CACNA1C: variants seen among roughly 807,000 people sequenced by gnomAD.
CACNA1C encodes the protein voltage-dependent L-type calcium channel subunit alpha-1C.
In CACNA1C, 30 loss-of-function variants were observed where a neutral mutation model predicts 229.0. That is an observed-to-expected ratio of 0.13 (90% confidence interval 0.10 to 0.18). CACNA1C has a LOEUF of 0.18. CACNA1C is among the 10% of genes least tolerant of loss of function. The pLI is 1.00. For missense variants in CACNA1C, 1,658 were observed against 2,845.0 expected, an observed-to-expected ratio of 0.58 and a Z score of 9.49; for synonymous variants, 1,114 against 1,132.5, an observed-to-expected ratio of 0.98 and a Z score of 0.33.
At chr12:2,551,500 G>A (rs1422744824) in intron 10 of CACNA1C, among the ~76,000 whole-genome samples, 2 of 152,144 alleles carry the variant, frequency 1.3e-5, no homozygotes, top group Non-Finnish European at 2.9e-5. Context: ...ATTATAATAT[G>A]CCCCGAATAA....
At chr12:2,162,984 C>T (rs1277975459) in intron 3 of CACNA1C, among the ~76,000 whole-genome samples, 3 of 152,022 alleles carry the variant, frequency 2.0e-5, no homozygotes, top group African/African-American at 7.2e-5. Flanking sequence ...AATATGACCA[C>T]TGACTGGAGT....
rs1212339869 is a variant in CACNA1C at position 2,067,136 on chromosome 12, C to A, written c.49+13525C>A. Among the ~76,000 whole-genome samples the A allele has an allele frequency of 6.6e-6, 1 of 152,086 alleles. No individual in the cohort carries two copies. The highest frequency in any genetic ancestry group is 1.5e-5 in the Non-Finnish European group (1 of 68,008). On this transcript the variant is annotated intron_variant, in intron 1 of 46. Transcript: ENST00000399655. This position sits in a 1 kb window ranked among gnomAD's most constrained non-coding sequence, Gnocchi z 5.3. Reference sequence around the variant, plus strand: ...GACAGCTGCTGACTAGGTCTGGGGGCAAAGGGTTCTAGCTCTGTAGGAGGC... The same window carrying A: ...GACAGCTGCTGACTAGGTCTGGGGGAAAAGGGTTCTAGCTCTGTAGGAGGC...
chr12:2,669,732 C>T (rs1402896276), intron 38 of CACNA1C, among the ~76,000 whole-genome samples: 1 of 152,196 alleles, frequency 6.6e-6, no homozygotes, highest in Non-Finnish European at 1.5e-5. Context: ...ACACATTGTG[C>T]GGGCTGAGCC....
chr12:2,561,365 A>C (rs1354995406), intron 11 of CACNA1C, among the ~76,000 whole-genome samples: 1 of 152,150 alleles, frequency 6.6e-6, no homozygotes, highest in Non-Finnish European at 1.5e-5. Flanking sequence ...CTGCTCACTT[A>C]GTGGTCTGTG....
chr12:2,042,103 G>T (rs534487759), intron 1 of CACNA1C, among the ~76,000 whole-genome samples: 1 of 152,212 alleles, frequency 6.6e-6, no homozygotes, highest in African/African-American at 2.4e-5. Context: ...GCAGCTATTT[G>T]ATACCTTCTA....
intron 3 of CACNA1C, among the ~76,000 whole-genome samples, chr12:2,168,832 T>A (rs531501466): frequency 6.6e-6 from 1 of 152,286 alleles, no homozygotes; most frequent in East Asian, 1.9e-4. Flanking sequence ...CCTCAGGAGA[T>A]GCTGGTGGTG....
chr12:2,308,162 T>C (rs1380366394), intron 3 of CACNA1C, among the ~76,000 whole-genome samples: 2 of 152,204 alleles, frequency 1.3e-5, no homozygotes, highest in East Asian at 3.8e-4. Flanking sequence ...AGGTTTATGA[T>C]TGTCCAAGTG....
intron 29 of CACNA1C, among the ~76,000 whole-genome samples, chr12:2,618,251 C>T (rs975574896): frequency 3.3e-5 from 5 of 152,214 alleles, no homozygotes; most frequent in African/African-American, 1.2e-4. Context: ...ATCTGCTTGT[C>T]TGAGCAAGGG....
chr12:2,615,317 A>G (rs182919756), intron 29 of CACNA1C, among the ~76,000 whole-genome samples: 1 of 152,366 alleles, frequency 6.6e-6, no homozygotes, highest in Admixed American at 6.5e-5. Context: ...CAGGAAAATA[A>G]ATTTTGAAGA....
intron 9 of CACNA1C, among the ~76,000 whole-genome samples, chr12:2,533,576 C>T (rs1363192706): frequency 1.3e-5 from 2 of 152,332 alleles, no homozygotes; most frequent in Middle Eastern, 3.4e-3. Flanking sequence ...CCCATCTGCC[C>T]TCCCAGGGAA....
At chr12:2,313,219 A>G (rs1275910234) in intron 3 of CACNA1C, among the ~76,000 whole-genome samples, 1 of 152,160 alleles carries the variant, frequency 6.6e-6, no homozygotes, top group Non-Finnish European at 1.5e-5. Flanking sequence ...GACTGGTTAA[A>G]GAGATGTATG....
intron 3 of CACNA1C, among the ~76,000 whole-genome samples, chr12:2,308,273 G>A (rs974471334): frequency 1.3e-5 from 2 of 152,114 alleles, no homozygotes; most frequent in Non-Finnish European, 2.9e-5. Context: ...TTGTTATTGA[G>A]ATGTATGAAT....
At chr12:2,366,492 AT>A (rs1253500109) in intron 3 of CACNA1C, among the ~76,000 whole-genome samples, 74 of 152,302 alleles carry the variant, frequency 4.9e-4, no homozygotes, top group African/African-American at 1.6e-3. Context: ...TGTTACATGT[AT>A]TTTAAAACTT....
intron 29 of CACNA1C, chr12:2,613,984 A>G (rs762734535): frequency 6.6e-6 from 1 of 152,262 alleles, no homozygotes; most frequent in Admixed American, 6.5e-5. Context: ...TGTCTGAGGC[A>G]GTCTGGAGAG....
chr12:2,114,373 A>G (rs994579443), intron 1 of CACNA1C, among the ~76,000 whole-genome samples: 3 of 152,018 alleles, frequency 2.0e-5, no homozygotes, highest in Non-Finnish European at 2.9e-5. Flanking sequence ...GGGGGATGCA[A>G]CGTGGCTTTT....
Position 2,391,196 on chromosome 12 carries a change from C to T in CACNA1C, c.478-57780C>T, listed in dbSNP as rs149766704. Among the ~76,000 whole-genome samples, 13 of 152,300 alleles carry T rather than the reference C, an allele frequency of 8.5e-5. 1 individual carries two copies. In the East Asian group the frequency reaches 1.4e-3, roughly 16 times the overall value. ...GGAGCAGGAGAGCAGCTAAGTCTGA[C>T]GTCACCAAAGGCCATTTGGGGCATG... On this transcript the variant is annotated intron_variant, in intron 3 of 46. Coordinates refer to ENST00000399655, the MANE Select transcript of CACNA1C (RefSeq NM_000719.7).
intron 3 of CACNA1C, among the ~76,000 whole-genome samples, chr12:2,370,969 G>C (rs943284982): frequency 2.0e-5 from 3 of 152,182 alleles, no homozygotes; most frequent in Admixed American, 2.0e-4. Context: ...TCTCATGTTG[G>C]TCACATTCAG....
At chr12:2,038,064 C>G (rs1594170922) in intron 1 of CACNA1C, among the ~76,000 whole-genome samples, 1 of 152,136 alleles carries the variant, frequency 6.6e-6, no homozygotes, top group East Asian at 1.9e-4. Flanking sequence ...TCCCTTCACT[C>G]CCTCCCAAAA....
At chr12:2,582,340 G>A (rs561652075) in intron 14 of CACNA1C, among the ~76,000 whole-genome samples, 1 of 152,202 alleles carries the variant, frequency 6.6e-6, no homozygotes, top group Admixed American at 6.5e-5. Context: ...TTTGGCTTAG[G>A]GCAAACTCAA....
Sources: gnomAD v4.1 joint callset for allele counts (sites outside exome capture counted in the v4.1 genomes callset) on GRCh38, gnomAD v4.1.1 for gene constraint, Gnocchi (gnomAD v3.1) non-coding constraint, MANE v1.5 for transcripts, NCBI Gene and HGNC (gene_info 2026-07-23, HGNC 2026-07-21) for gene names.